The following TEX14 variants were observed in gnomAD, a reference collection of about 807,000 sequenced individuals.
TEX14 encodes inactive serine/threonine-protein kinase TEX14.
Under a neutral mutation model 178.6 loss-of-function variants are expected in TEX14, and 168 were observed. That is an observed-to-expected ratio of 0.94 (90% CI 0.83 to 1.07). The LOEUF (loss-of-function observed/expected upper bound fraction) is 1.07, where lower values mean the gene tolerates loss of function less well. Among genes scored for constraint, TEX14 ranks in the 50% least tolerant of loss-of-function variants. The pLI is 0.00. For missense variants in TEX14, 1,730 were observed against 1,753.6 expected, an observed-to-expected ratio of 0.99 and a Z score of 0.24; for synonymous variants, 626 against 634.1, an observed-to-expected ratio of 0.99 and a Z score of 0.19.
chr17:58,681,935 A>ATTACCACCAAACAATTC (rs1320682073), intron 1 of TEX14, among the ~76,000 whole-genome samples: 1 of 152,208 alleles, frequency 6.6e-6, no homozygotes, highest in Non-Finnish European at 1.5e-5. Context: ...CTATACTGCC[A>ATTACCACCAAACAATTC]TTACCACCAA....
At chr17:58,628,379 C>A (rs1253980282) in intron 3 of TEX14, among the ~76,000 whole-genome samples, 1 of 151,784 alleles carries the variant, frequency 6.6e-6, no homozygotes, top group Non-Finnish European at 1.5e-5. Flanking sequence ...GAGTTCGAGA[C>A]CAGCCTGACC....
intron 13 of TEX14, among the ~76,000 whole-genome samples, chr17:58,601,525 A>G (rs1489835917): frequency 2.0e-5 from 3 of 151,320 alleles, no homozygotes; most frequent in Non-Finnish European, 4.4e-5. Context: ...CCATCTCAAA[A>G]AAAAAAAAAA....
chr17:58,579,748 G>C lies in TEX14; in HGVS notation c.3172-17C>G. ...ACTCGAGGTCTAAAAAAGAACAAAA[G>C]AAAAGCAAAGAAAGGAGGTTCACTG... On this transcript the variant is annotated splice_polypyrimidine_tract_variant and intron_variant, in intron 19 of 31. Coordinates refer to ENST00000349033, the MANE Select transcript of TEX14 (RefSeq NM_031272.5). 1 of 1,604,004 alleles carries C rather than the reference G, an allele frequency of 6.2e-7. No homozygotes were observed. The highest frequency in any genetic ancestry group is 1.1e-5 in the South Asian group (1 of 90,446).
chr17:58,673,650 C>T (rs1345402364), intron 1 of TEX14, among the ~76,000 whole-genome samples: 1 of 152,114 alleles, frequency 6.6e-6, no homozygotes. Context: ...CATCCTCAAC[C>T]TCTTGGGCTC....
chr17:58,629,081 A>C (rs1598399904), intron 3 of TEX14, among the ~76,000 whole-genome samples: 1 of 152,084 alleles, frequency 6.6e-6, no homozygotes, highest in Admixed American at 6.6e-5. Context: ...AAAAATATCC[A>C]CCACCCACTC....
chr17:58,661,248 A>G, intron 1 of TEX14: 1 of 795,764 alleles, frequency 1.3e-6, no homozygotes, highest in East Asian at 2.4e-5. Flanking sequence ...TAGTAATGGC[A>G]CTGAGTTAAG....
intron 1 of TEX14, among the ~76,000 whole-genome samples, chr17:58,654,047 G>A (rs981057492): frequency 1.3e-5 from 2 of 152,068 alleles, no homozygotes; most frequent in Non-Finnish European, 2.9e-5. Flanking sequence ...GCATGGTGGC[G>A]GGCGCCTGTA....
In TEX14 at chr17:58,690,189, T is replaced by C. The variant is rs535820411; in HGVS notation, c.-2+1750A>G. Among the ~76,000 whole-genome samples, 5 of 152,078 alleles carry C rather than the reference T, an allele frequency of 3.3e-5. No individual in the cohort carries two copies. In the South Asian group the frequency reaches 1.0e-3, roughly 32 times the overall value. The stretch of plus-strand genomic sequence containing the variant: ...ATTTTGCTTTGTTTTGTTTTTGAGA[T>C]GGAGTCTCGCTCTGTCGCCCAGATT... On this transcript the variant is annotated intron_variant, in intron 1 of 31. Transcript: ENST00000349033.
chr17:58,650,608 G>A (rs1393168568), intron 2 of TEX14, among the ~76,000 whole-genome samples: 1 of 152,128 alleles, frequency 6.6e-6, no homozygotes, highest in East Asian at 1.9e-4. Flanking sequence ...CATGCGTGTA[G>A]TGCCAACTAG....
intron 2 of TEX14, among the ~76,000 whole-genome samples, chr17:58,639,671 G>C (rs2046528120): frequency 6.6e-6 from 1 of 152,156 alleles, no homozygotes; most frequent in Admixed American, 6.6e-5. Flanking sequence ...GTATGAGCTA[G>C]GCTCCACGGT....
At chr17:58,590,272 A>C (rs1214805098) in intron 15 of TEX14, among the ~76,000 whole-genome samples, 2 of 151,300 alleles carry the variant, frequency 1.3e-5, no homozygotes, top group East Asian at 1.9e-4. Flanking sequence ...AAAAAAAAAA[A>C]AAAAAAAACC....
Position 58,651,894 on chromosome 17 carries a change from A to C in TEX14, c.108T>G (p.Tyr36Ter). The change falls in exon 2 of 32, where the codon TAT becomes TAG. Residue 36 changes from tyrosine (Y) to a stop codon, truncating the protein, a stop_gained. Coordinates refer to ENST00000349033, the MANE Select transcript of TEX14 (RefSeq NM_031272.5). LOFTEE classifies it high-confidence loss of function. ...QLHEYVKQGNYVKVKKILKKG... is the reference protein window; with the variant it reads ...QLHEYVKQGN The stretch of plus-strand genomic sequence containing the variant: ...TCTTAAGAATTTTCTTCACTTTCAC[A>C]TAGTTCCCTTGTTTGACATACTCAT... 2 of 1,609,072 alleles carry C rather than the reference A, an allele frequency of 1.2e-6. No individual in the cohort carries two copies. The highest frequency in any genetic ancestry group is 1.1e-5 in the South Asian group (1 of 89,698).
intron 9 of TEX14, among the ~76,000 whole-genome samples, chr17:58,611,683 G>A (rs1038932188): frequency 5.3e-5 from 8 of 152,172 alleles, no homozygotes; most frequent in African/African-American, 1.2e-4. Context: ...CTGCCCTGTC[G>A]CCTCCCTGTC....
intron 1 of TEX14, chr17:58,660,741 T>C: frequency 3.8e-6 from 3 of 781,324 alleles, no homozygotes; most frequent in Non-Finnish European, 2.4e-6. Context: ...GCCTTGGCTA[T>C]TCCCTGATCT....
rs535479561 is a variant in TEX14 at position 58,561,508 on chromosome 17, G to A, written c.4157+12C>T. 3 of 1,590,940 alleles carry A rather than the reference G, an allele frequency of 1.9e-6. No homozygotes were observed. The East Asian group carries it at 6.7e-5, about 36-fold the overall frequency. On this transcript the variant is annotated intron_variant, in intron 29 of 31. Transcript: ENST00000349033. ...AAAAGAAGAAAAGGATTCCCCTTTG[G>A]GGAACAATAACCTTTCAGAGCCCTT...
At chr17:58,592,495 C>T (rs902755977) in intron 15 of TEX14, among the ~76,000 whole-genome samples, 13 of 152,160 alleles carry the variant, frequency 8.5e-5, no homozygotes, top group African/African-American at 2.4e-4. Flanking sequence ...CCACCACGCC[C>T]GGCTAATTTT....
intron 19 of TEX14, chr17:58,581,629 T>C: frequency 6.2e-7 from 1 of 1,613,906 alleles, no homozygotes; most frequent in Non-Finnish European, 8.5e-7. Context: ...CTAAGTTTTC[T>C]TGAGCAGTCG....
intron 13 of TEX14, 89 bp from the exon 14 acceptor site, chr17:58,599,755 T>TAA: frequency 3.2e-6 from 3 of 950,904 alleles, no homozygotes; most frequent in Non-Finnish European, 4.5e-6. Context: ...GCAAAGACTG[T>TAA]CAAAAAAAAA....
intron 2 of TEX14, 45 bp from the exon 3 acceptor site, chr17:58,630,599 C>A: frequency 2.9e-6 from 4 of 1,402,548 alleles, no homozygotes; most frequent in Non-Finnish European, 4.0e-6. Flanking sequence ...AGAAAATTTC[C>A]TGAGAAGGAA....
Sources: allele counts gnomAD v4.1 joint callset (sites outside exome capture counted in the v4.1 genomes callset), GRCh38; gene constraint gnomAD v4.1.1; transcripts MANE v1.5; gene names NCBI Gene and HGNC (gene_info 2026-07-23, HGNC 2026-07-21).